CCAR1: variants seen among roughly 807,000 people sequenced by gnomAD.
CCAR1 encodes the protein cell division cycle and apoptosis regulator protein 1.
In CCAR1, 78 loss-of-function variants were observed where a neutral mutation model predicts 163.8. The ratio of observed to expected loss-of-function variants is 0.48; its 90% confidence interval spans 0.40 to 0.57. The LOEUF is 0.57. Ranked by LOEUF, CCAR1 falls within the 20% of genes least tolerant of loss-of-function variation. CCAR1 has a pLI of 0.00. For synonymous variants in CCAR1, 443 were observed against 460.7 expected (o/e 0.96, Z 0.49); for missense variants, 1,019 against 1,365.2 (o/e 0.75, Z 4.00).
intron 1 of CCAR1, chr10:68,721,679 G>C (rs1248612881): frequency 2.5e-6 from 1 of 397,828 alleles, no homozygotes; most frequent in South Asian, 1.7e-5. Flanking sequence ...TGGTAAACGA[G>C]CCCAGGGCTC....
intron 17 of CCAR1, among the ~76,000 whole-genome samples, chr10:68,766,714 C>G (rs1244559612): frequency 1.3e-5 from 2 of 151,700 alleles, no homozygotes; most frequent in African/African-American, 4.8e-5. Flanking sequence ...TTAGTAGAGA[C>G]GGGGTTTCTC....
chr10:68,789,172 G>A (rs935150427), intron 23 of CCAR1, among the ~76,000 whole-genome samples: 8 of 151,792 alleles, frequency 5.3e-5, no homozygotes, highest in Non-Finnish European at 1.2e-4. Context: ...GCCTCCCAAA[G>A]TGCTGGGTTT....
At chr10:68,774,741 G>T (rs192952004) in intron 19 of CCAR1, among the ~76,000 whole-genome samples, 5 of 151,906 alleles carry the variant, frequency 3.3e-5, no homozygotes, top group East Asian at 1.9e-4. Flanking sequence ...TATACCTTTC[G>T]CCTAAGTTTT....
intron 17 of CCAR1, among the ~76,000 whole-genome samples, chr10:68,768,995 G>A (rs897072255): frequency 6.6e-6 from 1 of 151,632 alleles, no homozygotes; most frequent in Non-Finnish European, 1.5e-5. Context: ...CCCTTTTTTT[G>A]AGACAGTCTC....
intron 5 of CCAR1, among the ~76,000 whole-genome samples, chr10:68,740,888 TTTA>T (rs1169731902): frequency 2.6e-5 from 3 of 116,412 alleles, no homozygotes; most frequent in African/African-American, 3.6e-5. Flanking sequence ...TTTTATTTTA[TTTA>T]TTTATTTATT....
intron 19 of CCAR1, among the ~76,000 whole-genome samples, chr10:68,774,467 ATC>A (rs1049663416): frequency 1.3e-5 from 2 of 151,918 alleles, no homozygotes; most frequent in African/African-American, 4.8e-5. Context: ...GTGAAACCCC[ATC>A]TCTACTAAAA....
At chr10:68,778,737 T>G (rs1455028873) in intron 19 of CCAR1, among the ~76,000 whole-genome samples, 2 of 152,330 alleles carry the variant, frequency 1.3e-5, no homozygotes, top group African/African-American at 4.8e-5. Context: ...TTGATAGGAT[T>G]ATAGTTGTTT....
chr10:68,737,496 T>TA (rs2056126348), intron 3 of CCAR1, among the ~76,000 whole-genome samples: 2 of 123,024 alleles, frequency 1.6e-5, no homozygotes, highest in African/African-American at 7.1e-5. Flanking sequence ...AAACCCTGTG[T>TA]CCAAAAAAAA....
chr10:68,757,771 A>G (rs2056413983), intron 15 of CCAR1, among the ~76,000 whole-genome samples: 2 of 151,514 alleles, frequency 1.3e-5, no homozygotes, highest in Non-Finnish European at 1.5e-5. Context: ...AGTACAGCCA[A>G]TATCTGTTGA....
At chr10:68,721,920 C>A (rs1338602661) in intron 1 of CCAR1, among the ~76,000 whole-genome samples, 1 of 152,152 alleles carries the variant, frequency 6.6e-6, no homozygotes, top group Admixed American at 6.6e-5. Context: ...CGGCCTTTTC[C>A]TTCGAGGTCG....
intron 19 of CCAR1, among the ~76,000 whole-genome samples, chr10:68,781,410 G>A (rs1266755021): frequency 6.6e-6 from 1 of 151,958 alleles, no homozygotes; most frequent in African/African-American, 2.4e-5. Context: ...GGGCGTGGTG[G>A]CGGGCACCTG....
chr10:68,772,806 T>C (rs2056619448), intron 18 of CCAR1, among the ~76,000 whole-genome samples, 182 bp from the exon 19 acceptor site: 1 of 150,174 alleles, frequency 6.7e-6, no homozygotes, highest in African/African-American at 2.4e-5. Context: ...ATAATTGTTA[T>C]GATAATATAA....
At chr10:68,752,669 G>A (rs902125659) in intron 10 of CCAR1, among the ~76,000 whole-genome samples, 1 of 152,150 alleles carries the variant, frequency 6.6e-6, no homozygotes, top group African/African-American at 2.4e-5. Flanking sequence ...CCAGGAGTTT[G>A]AGACCAGCCT....
chr10:68,767,709 T>C (rs1454319138), intron 17 of CCAR1, among the ~76,000 whole-genome samples: 2 of 152,192 alleles, frequency 1.3e-5, no homozygotes, highest in Non-Finnish European at 1.5e-5. Context: ...CAGCCCCGGC[T>C]AATTTTTGCA....
At chr10:68,737,120 T>G (rs2056121929) in intron 3 of CCAR1, 72 bp downstream of exon 3, 1 of 983,278 alleles carries the variant, frequency 1.0e-6, no homozygotes, top group South Asian at 1.5e-5. Flanking sequence ...CATTGCTACC[T>G]TCATTTTACA....
At chr10:68,736,544 CT>C (rs2056113273) in intron 2 of CCAR1, among the ~76,000 whole-genome samples, 1 of 152,130 alleles carries the variant, frequency 6.6e-6, no homozygotes, top group Admixed American at 6.6e-5. Flanking sequence ...CTTAGTTTGA[CT>C]TTCTTATACT....
intron 6 of CCAR1, among the ~76,000 whole-genome samples, chr10:68,743,040 C>T (rs572816959): frequency 6.6e-6 from 1 of 152,148 alleles, no homozygotes; most frequent in Non-Finnish European, 1.5e-5. Context: ...TCAAGTGATT[C>T]TCCTGCCTCA....
chr10:68,729,565 G>T (rs1415131848), intron 2 of CCAR1, among the ~76,000 whole-genome samples: 2 of 151,710 alleles, frequency 1.3e-5, no homozygotes. Context: ...CACCGCGCCC[G>T]GCTCTTGGTG....
chr10:68,753,753 TAC>T, intron 10 of CCAR1, 97 bp from the exon 11 acceptor site: 1 of 863,808 alleles, frequency 1.2e-6, no homozygotes, highest in Admixed American at 2.3e-5. Flanking sequence ...TTTTTCAGCT[TAC>T]TTTTTACTAT....
Sources: gnomAD v4.1 joint callset for allele counts (sites outside exome capture counted in the v4.1 genomes callset) on GRCh38, gnomAD v4.1.1 for gene constraint, MANE v1.5 for transcripts, NCBI Gene and HGNC (gene_info 2026-07-23, HGNC 2026-07-21) for gene names.